The following COL11A2 variants were observed in gnomAD, a reference collection of about 807,000 sequenced individuals.
COL11A2 encodes the protein collagen alpha-2(XI) chain.
Under a neutral mutation model 273.4 loss-of-function variants are expected in COL11A2, and 116 were observed. The observed-to-expected ratio is 0.42, with a 90% confidence interval of 0.36 to 0.49. COL11A2 has a LOEUF of 0.49. COL11A2 is among the 20% of genes least tolerant of loss of function. COL11A2 has a pLI of 0.00. For synonymous variants in COL11A2, 782 were observed against 864.2 expected (o/e 0.90, Z 1.67); for missense variants, 1,866 against 2,309.0 (o/e 0.81, Z 3.93).
Position 33,178,983 on chromosome 6 carries a change from C to G in COL11A2, c.1612-10G>C, listed in dbSNP as rs182657680. The G allele has an allele frequency of 1.2e-3, 1,940 of 1,614,046 alleles. 6 individuals are homozygous for G. Among genetic ancestry groups the G allele is most frequent in the Middle Eastern group, 1.8e-3 (11 of 6,060 alleles). ...CAGCACCTGCCCGGCCCTGGGAGAA[C>G]AAGGGAAGTGTCAGAACAAGCAGGG... On this transcript the variant is annotated splice_polypyrimidine_tract_variant and intron_variant, in intron 16 of 65. Coordinates refer to ENST00000341947, the MANE Select transcript of COL11A2 (RefSeq NM_080680.3). The surrounding 1 kb of genome is among the most constrained non-coding windows in gnomAD (Gnocchi z 4.6).
intron 1 of COL11A2, among the ~76,000 whole-genome samples, chr6:33,191,297 G>A (rs1583391842): frequency 6.6e-6 from 1 of 152,242 alleles, no homozygotes; most frequent in Non-Finnish European, 1.5e-5. Context: ...CTCTAAAGCA[G>A]AGAAGAATTG....
intron 6 of COL11A2, 28 bp downstream of exon 6, chr6:33,185,672 GA>G: frequency 8.3e-7 from 1 of 1,207,956 alleles, no homozygotes. Context: ...GGGAGAAAGG[GA>G]AGAAATGAAG....
Position 33,177,886 on chromosome 6 carries a change from T to C in COL11A2, c.1873-180A>G. 1.3e-6 allele frequency: 1 copy of C among 786,658 alleles called. No homozygotes were observed. Among genetic ancestry groups the C allele is most frequent in the Non-Finnish European group, 2.1e-6 (1 of 475,710 alleles). 48.7% of individuals were successfully genotyped at this position (786,658 alleles called of 1,614,324 possible). A position where few individuals can be genotyped will look rare whatever the true frequency, so the allele number is the denominator to read the frequency against. On this transcript the variant is annotated intron_variant, in intron 21 of 65. Coordinates refer to ENST00000341947, the MANE Select transcript of COL11A2 (RefSeq NM_080680.3). This position sits in a 1 kb window ranked among gnomAD's most constrained non-coding sequence, Gnocchi z 5.9. Reference sequence around the variant, plus strand: ...CTGTGGATCTGTGGGCTTGTGGGCTTTGGTTTTGTTTTTCTTGAAGATTTA... The same window carrying C: ...CTGTGGATCTGTGGGCTTGTGGGCTCTGGTTTTGTTTTTCTTGAAGATTTA...
At position 33,163,434 on chromosome 6, in the gene COL11A2, C is replaced by T. The variant is rs1047835559; in HGVS notation, c.*244G>A. 6 of 599,368 alleles carry T rather than the reference C, an allele frequency of 1.0e-5. No homozygotes were observed. Among genetic ancestry groups the T allele is most frequent in the Non-Finnish European group, 1.5e-5 (5 of 334,112 alleles). The allele number at this position is 599,368 out of a possible 1,614,324, so 37.1% of individuals were successfully genotyped here. The stretch of plus-strand genomic sequence containing the variant: ...GGAGGTGAGTTTTAAATAAGGGTCT[C>T]AGCTCTCTAACGGGTAACAGGCTCC... On this transcript the variant is annotated 3_prime_UTR_variant, in exon 66 of 66. Transcript: ENST00000341947. This position sits in a 1 kb window ranked among gnomAD's most constrained non-coding sequence, Gnocchi z 4.1.
In COL11A2 at chr6:33,176,829, C is replaced by A. The variant is rs1207704214; in HGVS notation, c.2071-64G>T. The A allele has an allele frequency of 6.4e-7, 1 of 1,574,568 alleles. No homozygotes were observed. The highest frequency in any genetic ancestry group is 1.8e-5 in the Admixed American group (1 of 55,922). On this transcript the variant is annotated intron_variant, in intron 25 of 65. Transcript: ENST00000341947. The surrounding 1 kb of genome is among the most constrained non-coding windows in gnomAD (Gnocchi z 4.9). ...GTCACCCTCTCTGCACCCCTCCCTA[C>A]ACTTCTTCCAACCCAAATTTCCTGT...
At chr6:33,181,881 T>C (rs1771779518) in intron 8 of COL11A2, among the ~76,000 whole-genome samples, 1 of 152,176 alleles carries the variant, frequency 6.6e-6, no homozygotes, top group South Asian at 2.1e-4. Flanking sequence ...TTAAGAAACC[T>C]TCCACACATT....
Position 33,176,590 on chromosome 6 carries a change from G to A in COL11A2, c.2116-104C>T, listed in dbSNP as rs1770940564. 1 of 1,407,020 alleles carries A rather than the reference G, an allele frequency of 7.1e-7. No homozygotes were observed. 87.2% of individuals were successfully genotyped at this position (1,407,020 alleles called of 1,614,324 possible). ...AGTAACAACATTGCTGTCTGGGTAG[G>A]GTTACGGGGCACAGGAATTGAGAAT... On this transcript the variant is annotated intron_variant, in intron 26 of 65. Coordinates refer to ENST00000341947, the MANE Select transcript of COL11A2 (RefSeq NM_080680.3). This position sits in a 1 kb window ranked among gnomAD's most constrained non-coding sequence, Gnocchi z 4.9.
Position 33,176,466 on chromosome 6 carries a change from T to A in COL11A2, c.2136A>T (p.Gly712=), listed in dbSNP as rs1799908. 0.43 allele frequency: 696,373 copies of A among 1,610,068 alleles called. 155,885 individuals carry two copies. The highest frequency in any genetic ancestry group is 0.75 in the East Asian group (33,676 of 44,822). ...CTCGAGGTCCTGGGTATCCTAGAGGTCCCTGAGGTCCAGAGGGACCCTGGA... is the reference window on the plus strand; with the variant it reads ...CTCGAGGTCCTGGGTATCCTAGAGGACCCTGAGGTCCAGAGGGACCCTGGA... ...KGNQGPSGPQ[G]PLGYPGPRGV... The change falls in exon 27 of 66, where the codon GGA becomes GGT. Residue 712 remains glycine, a synonymous_variant. Coordinates refer to ENST00000341947, the MANE Select transcript of COL11A2 (RefSeq NM_080680.3). This position sits in a 1 kb window ranked among gnomAD's most constrained non-coding sequence, Gnocchi z 4.9.
chr6:33,170,767 T>C lies in COL11A2; in HGVS notation c.3474+43A>G, dbSNP rs768737195. 29 of 1,603,790 alleles carry C rather than the reference T, an allele frequency of 1.8e-5. 1 individual carries two copies. In the East Asian group the frequency reaches 6.3e-4, roughly 35 times the overall value. The stretch of plus-strand genomic sequence containing the variant: ...GAGTCTGGGGCAAAACATCACCCCA[T>C]CCTGACCCCACCTCTCAGCCCCTGT... On this transcript the variant is annotated intron_variant, in intron 46 of 65. Transcript: ENST00000341947. The surrounding 1 kb of genome is among the most constrained non-coding windows in gnomAD (Gnocchi z 4.3).
rs545390020 is a variant in COL11A2, at chr6:33,165,196, A to G, written c.4751-232T>C. Reference sequence around the variant, plus strand: ...CACCTCTGCCCCCAACAGTAACCCCAGGCCCTCTGACTGGAGGAGGTCCGA... The same window carrying G: ...CACCTCTGCCCCCAACAGTAACCCCGGGCCCTCTGACTGGAGGAGGTCCGA... On this transcript the variant is annotated intron_variant, in intron 63 of 65. Coordinates refer to ENST00000341947, the MANE Select transcript of COL11A2 (RefSeq NM_080680.3). The surrounding 1 kb of genome is among the most constrained non-coding windows in gnomAD (Gnocchi z 7.7). Among the ~76,000 whole-genome samples the G allele has an allele frequency of 1.3e-5, 2 of 152,202 alleles. No homozygotes were observed. Among genetic ancestry groups the G allele is most frequent in the East Asian group, 3.9e-4 (2 of 5,174 alleles).
Position 33,189,593 on chromosome 6 carries a change from A to G in COL11A2, c.83-124T>C. 8.0e-7 allele frequency: 1 copy of G among 1,257,726 alleles called. No individual in the cohort carries two copies. The highest frequency in any genetic ancestry group is 1.1e-6 in the Non-Finnish European group (1 of 893,598). 77.9% of individuals were successfully genotyped at this position (1,257,726 alleles called of 1,614,324 possible). A position where few individuals can be genotyped will look rare whatever the true frequency, so the allele number is the denominator to read the frequency against. ...CTCCCTGCAAGGGAAAGGTCACCTC[A>G]CCCTCACTTGCTTCTGAACAGTACC... On this transcript the variant is annotated intron_variant, in intron 1 of 65. Coordinates refer to ENST00000341947, the MANE Select transcript of COL11A2 (RefSeq NM_080680.3). The surrounding 1 kb of genome is among the most constrained non-coding windows in gnomAD (Gnocchi z 5.6).
chr6:33,177,075 C>CT lies in COL11A2; in HGVS notation c.2017-31dup, dbSNP rs770604359. On this transcript the variant is annotated intron_variant, in intron 24 of 65. Transcript: ENST00000341947. This position sits in a 1 kb window ranked among gnomAD's most constrained non-coding sequence, Gnocchi z 5.9. ...AGGAAGACAAAGAGGCTCAGGGTCA[C>CT]TAGAGGGGTCATGTCTGGACACAGA... 4 of 1,612,684 alleles carry CT rather than the reference C, an allele frequency of 2.5e-6. No homozygotes were observed. The highest frequency in any genetic ancestry group is 3.4e-6 in the Non-Finnish European group (4 of 1,179,854).
intron 8 of COL11A2, 73 bp downstream of exon 8, chr6:33,184,072 C>A: frequency 7.7e-7 from 1 of 1,302,148 alleles, no homozygotes; most frequent in Non-Finnish European, 1.0e-6. Context: ...AGCCAAGGAT[C>A]GAAACCAACA....
rs41268014 is a variant in COL11A2 at position 33,189,068 on chromosome 6, C to T, written c.353G>A (p.Arg118Gln). 2.6e-5 allele frequency: 42 copies of T among 1,614,162 alleles called. No homozygotes were observed. In the South Asian group the frequency reaches 3.3e-4, roughly 13 times the overall value. The change falls in exon 3 of 66, where the codon CGA (arginine) becomes CAA (glutamine). Residue 118 changes from arginine (R) to glutamine (Q), a missense_variant. By Grantham distance (43) the Arg-to-Gln change is conservative. Transcript: ENST00000341947. The surrounding 1 kb of genome is among the most constrained non-coding windows in gnomAD (Gnocchi z 5.6). ...GVRQLGLELGRPVRFLYEDQT... is the reference protein window; with the variant it reads ...GVRQLGLELGQPVRFLYEDQT... ...GTCTTCATACAGGAAGCGGACAGGTCGGCCCAGCTCCAGGCCCAGCTGTCG... is the reference window on the plus strand; with the variant it reads ...GTCTTCATACAGGAAGCGGACAGGTTGGCCCAGCTCCAGGCCCAGCTGTCG...
intron 8 of COL11A2, 107 bp from the exon 9 acceptor site, chr6:33,181,277 A>T: frequency 8.7e-7 from 1 of 1,153,882 alleles, no homozygotes; most frequent in South Asian, 1.2e-5. Flanking sequence ...TCTCGAGACC[A>T]CTTCAGCCCT....
rs1398973559 is a variant in COL11A2, at chr6:33,163,691, C to A, written c.5198G>T (p.Cys1733Phe). The A allele has an allele frequency of 6.2e-7, 1 of 1,613,020 alleles. No homozygotes were observed. Among genetic ancestry groups the A allele is most frequent in the South Asian group, 1.1e-5 (1 of 91,080 alleles). Residue 1733 changes from cysteine to phenylalanine, a missense_variant, in exon 66 of 66, where the codon TGC (cysteine) becomes TTC (phenylalanine). By Grantham distance (205) the Cys-to-Phe change is radical. Transcript: ENST00000341947. The surrounding 1 kb of genome is among the most constrained non-coding windows in gnomAD (Gnocchi z 4.1). ...RRGGVLLGPV[C>F]FMG is the part of the protein sequence containing the mutation. ...ACAGAGACGGTCCTATCCCATGAAGCAGACAGGCCCCAGCAGCACCCCTCC... is the reference window on the plus strand; with the variant it reads ...ACAGAGACGGTCCTATCCCATGAAGAAGACAGGCCCCAGCAGCACCCCTCC...
intron 8 of COL11A2, among the ~76,000 whole-genome samples, chr6:33,183,359 G>A (rs761620376): frequency 1.3e-5 from 2 of 152,158 alleles, no homozygotes; most frequent in South Asian, 2.1e-4. Context: ...CATGGCTACC[G>A]TGACCCAGAG....
chr6:33,192,391 G>C lies in COL11A2; in HGVS notation c.-151C>G. ...AGGCTGCGGGCAGCGACAGCTGTCA[G>C]CGGCCCAGCTCCATGCAGCAAGGCG... On this transcript the variant is annotated 5_prime_UTR_variant, in exon 1 of 66. Transcript: ENST00000341947. 1.3e-6 allele frequency: 1 copy of C among 774,930 alleles called. No individual in the cohort carries two copies. The allele number at this position is 774,930 out of a possible 1,614,324, so 48.0% of individuals were successfully genotyped here.
chr6:33,165,467 A>G lies in COL11A2; in HGVS notation c.4750+82T>C. On this transcript the variant is annotated intron_variant, in intron 63 of 65. Transcript: ENST00000341947. The surrounding 1 kb of genome is among the most constrained non-coding windows in gnomAD (Gnocchi z 7.7). Reference sequence around the variant, plus strand: ...TCACCCTTAACCCAACACCTTCACCAAGACTCCCCCAGCATCCATTCTGCT... The same window carrying G: ...TCACCCTTAACCCAACACCTTCACCGAGACTCCCCCAGCATCCATTCTGCT... The G allele has an allele frequency of 6.3e-7, 1 of 1,593,582 alleles. No individual in the cohort carries two copies. The highest frequency in any genetic ancestry group is 1.3e-5 in the African/African-American group (1 of 74,782).
Sources: gnomAD v4.1 joint callset for allele counts (sites outside exome capture counted in the v4.1 genomes callset) on GRCh38, gnomAD v4.1.1 for gene constraint, Gnocchi (gnomAD v3.1) non-coding constraint, MANE v1.5 for transcripts, NCBI Gene and HGNC (gene_info 2026-07-23, HGNC 2026-07-21) for gene names.